OPCML: variants seen among roughly 807,000 people sequenced by gnomAD.
OPCML encodes opioid-binding protein/cell adhesion molecule.
A neutral mutation model predicts 37.8 loss-of-function variants in OPCML; 13 were observed. The ratio of observed to expected loss-of-function variants is 0.34; its 90% CI spans 0.22 to 0.55. OPCML has a LOEUF of 0.55. Among genes scored for constraint, OPCML ranks in the 20% least tolerant of loss-of-function variants. The pLI, the probability that OPCML is intolerant of heterozygous loss-of-function variation, is 0.91. For synonymous variants in OPCML, 176 were observed against 168.8 expected (o/e 1.04, Z -0.33); for missense variants, 341 against 435.6 (o/e 0.78, Z 1.93).
intron 2 of OPCML, among the ~76,000 whole-genome samples, chr11:132,936,958 G>A (rs1945398764): frequency 6.6e-6 from 1 of 152,086 alleles, no homozygotes; most frequent in South Asian, 2.1e-4. Context: ...AAAAAAGGAA[G>A]AAAGAAAATG....
At chr11:132,902,690 C>A (rs1944103772) in intron 2 of OPCML, among the ~76,000 whole-genome samples, 1 of 152,052 alleles carries the variant, frequency 6.6e-6, no homozygotes, top group Non-Finnish European at 1.5e-5. Flanking sequence ...CCTCTTCTGC[C>A]CTCACCCCTG....
At chr11:133,146,147 C>G (rs148284499) in intron 1 of OPCML, among the ~76,000 whole-genome samples, 41 of 152,144 alleles carry the variant, frequency 2.7e-4, no homozygotes, top group Admixed American at 1.9e-3. Flanking sequence ...CTTTGTGGGA[C>G]TGTGGCTGCG....
intron 2 of OPCML, among the ~76,000 whole-genome samples, chr11:132,759,024 T>G (rs1249599822): frequency 6.6e-6 from 1 of 152,218 alleles, no homozygotes; most frequent in Non-Finnish European, 1.5e-5. Flanking sequence ...GGGTTGAATT[T>G]TGTCAAAGGC....
intron 3 of OPCML, among the ~76,000 whole-genome samples, chr11:132,606,142 G>A (rs1938278654): frequency 6.6e-6 from 1 of 152,124 alleles, no homozygotes; most frequent in African/African-American, 2.4e-5. Flanking sequence ...TAATGAGAAT[G>A]CTTCAGTCCT....
chr11:132,597,094 T>C (rs1462690503), intron 3 of OPCML, among the ~76,000 whole-genome samples: 1 of 152,200 alleles, frequency 6.6e-6, no homozygotes, highest in African/African-American at 2.4e-5. Context: ...ACATGTCTAC[T>C]CATACAGTGT....
At chr11:133,440,834 C>CAT (rs1210317533) in intron 1 of OPCML, among the ~76,000 whole-genome samples, 64 of 139,036 alleles carry the variant, frequency 4.6e-4, no homozygotes, top group South Asian at 1.4e-3. Flanking sequence ...ATATATAAAT[C>CAT]ATATATATAT....
chr11:133,207,168 C>T (rs11223391), intron 1 of OPCML, among the ~76,000 whole-genome samples: 17,670 of 149,148 alleles, frequency 0.12, 1,161 homozygotes, highest in Middle Eastern at 0.18. Flanking sequence ...GGTGTGGTGG[C>T]GGGCACCTGT....
chr11:132,475,557 G>C (rs1247073719), intron 4 of OPCML, among the ~76,000 whole-genome samples: 1 of 152,122 alleles, frequency 6.6e-6, no homozygotes, highest in Non-Finnish European at 1.5e-5. Context: ...AGAGACACCA[G>C]AGATGCAGGA....
Position 132,657,229 on chromosome 11 carries a change from A to G in OPCML, c.237T>C (p.Pro79=). The G allele has an allele frequency of 6.2e-7, 1 of 1,614,244 alleles. No homozygotes were observed. Among genetic ancestry groups the G allele is most frequent in the Non-Finnish European group, 8.5e-7 (1 of 1,180,052 alleles). The change falls in exon 3 of 8, where the codon CCT becomes CCC. Residue 79 remains proline, a synonymous_variant. Transcript: ENST00000524381. ...GTGTATTGACCAGGATGATCACACG[A>G]GGGTCTATGGACCACTTGTCATTCC... ...YAGNDKWSID[P]RVIILVNTPT... is the part of the protein sequence containing the mutation.
chr11:132,661,839 C>T (rs1410689243), intron 2 of OPCML, among the ~76,000 whole-genome samples: 6 of 152,150 alleles, frequency 3.9e-5, no homozygotes, highest in Non-Finnish European at 8.8e-5. Flanking sequence ...AATAACTACC[C>T]TTTGAGATGT....
intron 1 of OPCML, among the ~76,000 whole-genome samples, chr11:133,158,350 T>C (rs1411858480): frequency 6.6e-6 from 1 of 152,090 alleles, no homozygotes; most frequent in African/African-American, 2.4e-5. Flanking sequence ...AAATGATAAT[T>C]ATAAGGAAGG....
chr11:132,615,761 C>T (rs921887375), intron 3 of OPCML, among the ~76,000 whole-genome samples: 2 of 152,016 alleles, frequency 1.3e-5, no homozygotes, highest in Non-Finnish European at 2.9e-5. Context: ...ATGCGAACTA[C>T]TTAGTAAAGC....
intron 1 of OPCML, among the ~76,000 whole-genome samples, chr11:133,426,421 CACAG>C (rs1207690242): frequency 1.3e-5 from 2 of 152,102 alleles, no homozygotes; most frequent in Non-Finnish European, 2.9e-5. Flanking sequence ...CAAAAGCAGA[CACAG>C]AGATACTCTA....
intron 1 of OPCML, among the ~76,000 whole-genome samples, chr11:133,011,417 C>G (rs1313703639): frequency 6.6e-6 from 1 of 152,188 alleles, no homozygotes; most frequent in Admixed American, 6.5e-5. Context: ...GGGGAACCCT[C>G]TGGTGTAGAT....
chr11:133,121,650 A>T (rs2137116277), intron 1 of OPCML, among the ~76,000 whole-genome samples: 1 of 152,296 alleles, frequency 6.6e-6, no homozygotes, highest in Non-Finnish European at 1.5e-5. Context: ...AGATCTGGGG[A>T]AACAGTTTGT....
intron 1 of OPCML, chr11:133,361,364 G>C (rs1944412217): frequency 6.6e-6 from 1 of 152,512 alleles, no homozygotes; most frequent in Admixed American, 6.5e-5. Context: ...GCAGGAAGAA[G>C]AGGAAGGCTG....
At chr11:132,817,037 A>G (rs1939677542) in intron 2 of OPCML, 1 of 152,310 alleles carries the variant, frequency 6.6e-6, no homozygotes, top group Admixed American at 6.5e-5. Flanking sequence ...GCCTCACTGA[A>G]GATAGAAGTA....
At chr11:133,022,684 C>A (rs1947476098) in intron 1 of OPCML, among the ~76,000 whole-genome samples, 1 of 152,100 alleles carries the variant, frequency 6.6e-6, no homozygotes, top group Admixed American at 6.5e-5. Flanking sequence ...TGGACCTCTG[C>A]TTTTTGGATG....
chr11:132,650,627 G>A (rs1304932335), intron 3 of OPCML, among the ~76,000 whole-genome samples: 2 of 151,922 alleles, frequency 1.3e-5, no homozygotes, highest in Admixed American at 6.6e-5. Flanking sequence ...AGCCACACAT[G>A]GGATTAAAGT....
Sources: allele counts gnomAD v4.1 joint callset (sites outside exome capture counted in the v4.1 genomes callset), GRCh38; gene constraint gnomAD v4.1.1; transcripts MANE v1.5; gene names NCBI Gene and HGNC (gene_info 2026-07-23, HGNC 2026-07-21).